Variants in PRLR observed in about 807,000 individuals in gnomAD.
PRLR encodes hPRL receptor.
Under a neutral mutation model 40.2 loss-of-function variants are expected in PRLR, and 13 were observed. That is an observed-to-expected ratio of 0.32 (90% CI 0.21 to 0.51). PRLR has a LOEUF of 0.51. PRLR is among the 20% of genes least tolerant of loss of function. PRLR has a pLI of 0.97. For missense variants in PRLR, 656 were observed against 747.3 expected (o/e 0.88, Z 1.42); for synonymous variants, 269 against 278.7 (o/e 0.97, Z 0.35).
intron 2 of PRLR, among the ~76,000 whole-genome samples, chr5:35,099,359 T>C (rs1771719214): frequency 6.6e-6 from 1 of 152,244 alleles, no homozygotes; most frequent in South Asian, 2.1e-4. Flanking sequence ...CGTAACGTAA[T>C]GCTTTACGCC....
At chr5:35,169,219 G>A (rs1384121047) in intron 1 of PRLR, among the ~76,000 whole-genome samples, 1 of 152,122 alleles carries the variant, frequency 6.6e-6, no homozygotes, top group South Asian at 2.1e-4. Context: ...TATTGGACTC[G>A]ACACCTGATT....
At chr5:35,166,166 T>G (rs1177401551) in intron 1 of PRLR, among the ~76,000 whole-genome samples, 1 of 152,212 alleles carries the variant, frequency 6.6e-6, no homozygotes, top group Non-Finnish European at 1.5e-5. Context: ...TCCATAATCA[T>G]TCTTTTTTGT....
intron 1 of PRLR, chr5:35,195,030 T>G (rs1267235298): frequency 6.6e-6 from 1 of 152,186 alleles, no homozygotes; most frequent in Admixed American, 6.5e-5. Flanking sequence ...GTCTGTACTT[T>G]CTGTTCAATT....
At chr5:35,118,619 G>A (rs2111715589) in intron 1 of PRLR, among the ~76,000 whole-genome samples, 1 of 152,190 alleles carries the variant, frequency 6.6e-6, no homozygotes, top group South Asian at 2.1e-4. Context: ...TATCCTAGTT[G>A]GGATTAGATT....
At chr5:35,188,715 A>G (rs1474597182) in intron 1 of PRLR, among the ~76,000 whole-genome samples, 2 of 152,240 alleles carry the variant, frequency 1.3e-5, no homozygotes, top group African/African-American at 2.4e-5. Context: ...GATGTAAATT[A>G]CTGGCGAGGC....
intron 1 of PRLR, among the ~76,000 whole-genome samples, chr5:35,180,113 G>A (rs1775255290): frequency 6.6e-6 from 1 of 152,162 alleles, no homozygotes; most frequent in South Asian, 2.1e-4. Flanking sequence ...CCTCACATGT[G>A]CAGTTCACAA....
At position 35,071,827 on chromosome 5, in the gene PRLR, T is replaced by A. The variant is rs191109836; in HGVS notation, c.543+748A>T. On this transcript the variant is annotated intron_variant, in intron 6 of 9. Transcript: ENST00000618457. ...GTTGGTCAGGCTGGTCTCAAACTCCTGACCTCAAGTGATCCACCTGCTTCT... is the reference window on the plus strand; with the variant it reads ...GTTGGTCAGGCTGGTCTCAAACTCCAGACCTCAAGTGATCCACCTGCTTCT... Among the ~76,000 whole-genome samples the A allele has an allele frequency of 5.3e-3, 814 of 152,182 alleles. 14 individuals are homozygous for A. Among genetic ancestry groups the A allele is most frequent in the African/African-American group, 0.019 (775 of 41,532 alleles).
intron 1 of PRLR, among the ~76,000 whole-genome samples, chr5:35,143,538 A>G (rs1774083613): frequency 6.6e-6 from 1 of 152,196 alleles, no homozygotes; most frequent in South Asian, 2.1e-4. Flanking sequence ...TTCATGGCAC[A>G]TATTGCAATT....
chr5:35,100,003 C>T (rs537765728), intron 2 of PRLR, among the ~76,000 whole-genome samples: 78 of 151,614 alleles, frequency 5.1e-4, no homozygotes, highest in Admixed American at 4.1e-3. Context: ...GGTGAAACCC[C>T]GTCTCTACTA....
chr5:35,176,961 T>C (rs1173724193), intron 1 of PRLR, among the ~76,000 whole-genome samples: 1 of 152,186 alleles, frequency 6.6e-6, no homozygotes, highest in Non-Finnish European at 1.5e-5. Flanking sequence ...AGGGAAAAAC[T>C]GCCTTAGGGC....
intron 9 of PRLR, 116 bp from the exon 10 acceptor site, chr5:35,066,218 C>T: frequency 9.4e-7 from 1 of 1,065,612 alleles, no homozygotes; most frequent in Non-Finnish European, 1.3e-6. Flanking sequence ...TCTCAAACTT[C>T]AGACATTTGT....
At chr5:35,113,147 T>A (rs1184820810) in intron 2 of PRLR, among the ~76,000 whole-genome samples, 1 of 145,006 alleles carries the variant, frequency 6.9e-6, no homozygotes, top group Non-Finnish European at 1.5e-5. Context: ...CCCACCCATT[T>A]ATCCATCCAT....
intron 1 of PRLR, among the ~76,000 whole-genome samples, chr5:35,189,198 C>T (rs1334941938): frequency 6.6e-6 from 1 of 152,150 alleles, no homozygotes; most frequent in Non-Finnish European, 1.5e-5. Flanking sequence ...TAGCAGACAG[C>T]CATGGCACAG....
chr5:35,141,248 C>CAA (rs1774017492), intron 1 of PRLR, among the ~76,000 whole-genome samples: 7 of 149,516 alleles, frequency 4.7e-5, no homozygotes, highest in African/African-American at 1.7e-4. Flanking sequence ...AAAAAAAAAA[C>CAA]AAACCCCTAA....
intron 1 of PRLR, among the ~76,000 whole-genome samples, chr5:35,198,394 A>C (rs1278635184): frequency 6.6e-6 from 1 of 152,246 alleles, no homozygotes; most frequent in Non-Finnish European, 1.5e-5. Context: ...TGAAGCTGCA[A>C]AGCTGAGTGC....
At chr5:35,156,967 G>A (rs1408501543) in intron 1 of PRLR, among the ~76,000 whole-genome samples, 10 of 151,962 alleles carry the variant, frequency 6.6e-5, no homozygotes, top group African/African-American at 9.7e-5. Flanking sequence ...AGGATGTCTC[G>A]TTGCATCCTT....
Position 35,084,676 on chromosome 5 carries a change from T to C in PRLR, c.204-37A>G, listed in dbSNP as rs761174571. The C allele has an allele frequency of 4.4e-6, 7 of 1,574,450 alleles. 1 individual carries two copies. The South Asian group carries it at 8.3e-5, about 19-fold the overall frequency. On this transcript the variant is annotated intron_variant, in intron 4 of 9. Coordinates refer to ENST00000618457, the MANE Select transcript of PRLR (RefSeq NM_000949.7). ...AATGTATTAGGAATGAATAAGAAAG[T>C]AATAAAGAGAGTCTAGTTTTTTTCT... is the stretch of plus-strand genomic sequence containing the variant.
intron 1 of PRLR, among the ~76,000 whole-genome samples, chr5:35,163,104 C>T (rs557256010): frequency 1.2e-4 from 18 of 152,096 alleles, no homozygotes; most frequent in Non-Finnish European, 2.5e-4. Context: ...AGGAGTCTGG[C>T]CCCTCCTCTT....
chr5:35,099,331 T>A (rs577365631), intron 2 of PRLR, among the ~76,000 whole-genome samples: 1 of 152,322 alleles, frequency 6.6e-6, no homozygotes, highest in South Asian at 2.1e-4. Flanking sequence ...CCTAGTGATG[T>A]CAGGGCCATT....
Sources: allele counts gnomAD v4.1 joint callset (sites outside exome capture counted in the v4.1 genomes callset), GRCh38; gene constraint gnomAD v4.1.1; transcripts MANE v1.5; gene names NCBI Gene and HGNC (gene_info 2026-07-23, HGNC 2026-07-21).